The following ANKS1B variants were observed in gnomAD, a reference collection of about 807,000 sequenced individuals.
ANKS1B encodes the protein ankyrin repeat and sterile alpha motif domain-containing protein 1B.
ANKS1B carries 36 observed loss-of-function variants against 148.3 expected under a neutral mutation model. The ratio of observed to expected loss-of-function variants is 0.24; its 90% CI spans 0.19 to 0.32. The LOEUF is 0.32. Ranked by LOEUF, ANKS1B falls within the 10% of genes least tolerant of loss-of-function variation. The pLI is 1.00. For synonymous variants in ANKS1B, 542 were observed against 560.8 expected (o/e 0.97, Z 0.47); for missense variants, 1,157 against 1,542.6 (o/e 0.75, Z 4.19).
In ANKS1B at chr12:99,802,362, C is replaced by G. The variant is rs547148416; in HGVS notation, c.669+4042G>C. On this transcript the variant is annotated intron_variant, in intron 4 of 26. Transcript: ENST00000683438. The stretch of plus-strand genomic sequence containing the variant: ...CTATCTGGTTACCCAAAATCAAGTT[C>G]AAAATTCATAAAAATAATTGCTAAC... Among the ~76,000 whole-genome samples, 3 of 152,114 alleles carry G rather than the reference C, an allele frequency of 2.0e-5. No individual in the cohort carries two copies. The South Asian group carries it at 6.2e-4, about 32-fold the overall frequency.
rs3081654 is a variant in ANKS1B, at chr12:99,632,727, CTATATATATATATATATA to C, written c.1272+22322_1272+22339del. 7.1e-3 allele frequency among the ~76,000 whole-genome samples: 276 copies of C among 39,046 alleles called. 15 individuals are homozygous for C. The South Asian group carries it at 0.14, about 19-fold the overall frequency. The allele number at this position is 39,046 out of a possible 152,430, so 25.6% of individuals were successfully genotyped here. On this transcript the variant is annotated intron_variant, in intron 9 of 26. Coordinates refer to ENST00000683438, the MANE Select transcript of ANKS1B (RefSeq NM_001352186.2). The stretch of plus-strand genomic sequence containing the variant: ...TTTGGCCTGTGTCTTCCTTTTCTTT[CTATATATATATATATATA>C]TATATATATATATATATATATATTT...
At chr12:99,424,223 T>G (rs1415748946) in intron 11 of ANKS1B, among the ~76,000 whole-genome samples, 1 of 152,192 alleles carries the variant, frequency 6.6e-6, no homozygotes, top group Non-Finnish European at 1.5e-5. Context: ...ATGTACTTTA[T>G]CAATATAAAA....
At chr12:99,280,866 GTCTGTCTC>G (rs1234018374) in intron 12 of ANKS1B, among the ~76,000 whole-genome samples, 1 of 139,662 alleles carries the variant, frequency 7.2e-6, no homozygotes, top group Non-Finnish European at 1.5e-5. Context: ...CTCTCTCTCT[GTCTGTCTC>G]TCTCTCTCTC....
At chr12:99,143,848 A>C (rs1011598980) in intron 15 of ANKS1B, among the ~76,000 whole-genome samples, 16 of 152,058 alleles carry the variant, frequency 1.1e-4, no homozygotes, top group Admixed American at 9.2e-4. Flanking sequence ...AGGAATGCTC[A>C]CGCTACTTTT....
intron 8 of ANKS1B, among the ~76,000 whole-genome samples, chr12:99,748,878 T>C (rs2060845578): frequency 6.6e-6 from 1 of 152,166 alleles, no homozygotes; most frequent in African/African-American, 2.4e-5. Context: ...TAACCTAATG[T>C]TTCCTAGTTA....
intron 17 of ANKS1B, among the ~76,000 whole-genome samples, chr12:99,013,012 G>A (rs1286617843): frequency 6.6e-6 from 1 of 152,184 alleles, no homozygotes; most frequent in Non-Finnish European, 1.5e-5. Flanking sequence ...TACTTGTGGA[G>A]TGCATGAGTG....
intron 8 of ANKS1B, among the ~76,000 whole-genome samples, chr12:99,662,424 G>A (rs928070171): frequency 1.3e-5 from 2 of 152,160 alleles, no homozygotes; most frequent in Non-Finnish European, 2.9e-5. Flanking sequence ...TGTTGGGTTA[G>A]CTACCAAAGC....
chr12:99,033,530 G>A (rs2099953600), intron 17 of ANKS1B, among the ~76,000 whole-genome samples: 1 of 152,130 alleles, frequency 6.6e-6, no homozygotes, highest in South Asian at 2.1e-4. Context: ...CAGGCATGGT[G>A]AAGCATGCCT....
chr12:98,979,803 T>C (rs779400211), intron 17 of ANKS1B, among the ~76,000 whole-genome samples: 16 of 152,164 alleles, frequency 1.1e-4, no homozygotes, highest in Non-Finnish European at 1.6e-4. Context: ...GGGTTTGTAG[T>C]CACACCAAAT....
chr12:99,681,339 G>T lies in ANKS1B; in HGVS notation c.1129-26129C>A, dbSNP rs555539290. Among the ~76,000 whole-genome samples, 39 of 152,322 alleles carry T rather than the reference G, an allele frequency of 2.6e-4. No homozygotes were observed. The South Asian group carries it at 7.9e-3, about 31-fold the overall frequency. The stretch of plus-strand genomic sequence containing the variant: ...CATCCTAGCTAACCAGAGGTCCTGA[G>T]TCTGTCCATGTGACAACTTCACTGC... On this transcript the variant is annotated intron_variant, in intron 8 of 26. Transcript: ENST00000683438.
At chr12:98,805,591 A>T (rs2099044995) in intron 20 of ANKS1B, among the ~76,000 whole-genome samples, 1 of 152,232 alleles carries the variant, frequency 6.6e-6, no homozygotes, top group South Asian at 2.1e-4. Flanking sequence ...AAAATACAAA[A>T]GCATCAATGG....
chr12:99,070,165 C>T (rs1374973745), intron 16 of ANKS1B, among the ~76,000 whole-genome samples: 1 of 152,092 alleles, frequency 6.6e-6, no homozygotes, highest in Middle Eastern at 3.2e-3. Context: ...TGAGGAACAT[C>T]TTGGGGAACG....
chr12:99,248,980 T>C (rs1463137226), intron 12 of ANKS1B, among the ~76,000 whole-genome samples: 3 of 152,202 alleles, frequency 2.0e-5, no homozygotes, highest in Non-Finnish European at 4.4e-5. Context: ...GTTTTCTTCT[T>C]GGAGATAAGC....
At chr12:99,506,663 G>T (rs1263576239) in intron 9 of ANKS1B, among the ~76,000 whole-genome samples, 1 of 151,946 alleles carries the variant, frequency 6.6e-6, no homozygotes. Flanking sequence ...AGTTGATGTG[G>T]TAGATTTATT....
chr12:98,768,473 G>A (rs1430468517), intron 25 of ANKS1B, among the ~76,000 whole-genome samples: 1 of 140,692 alleles, frequency 7.1e-6, no homozygotes, highest in African/African-American at 2.6e-5. Flanking sequence ...GGTGGCTCAT[G>A]CCTGTAATCC....
At chr12:98,851,821 C>T (rs998196654) in intron 17 of ANKS1B, among the ~76,000 whole-genome samples, 7 of 151,742 alleles carry the variant, frequency 4.6e-5, no homozygotes, top group Non-Finnish European at 8.8e-5. Context: ...GTCAAGAGAT[C>T]GAGAGCATCC....
intron 22 of ANKS1B, among the ~76,000 whole-genome samples, chr12:98,785,336 G>T (rs1344067475): frequency 6.6e-6 from 1 of 152,148 alleles, no homozygotes; most frequent in Non-Finnish European, 1.5e-5. Context: ...CAGGCATGGT[G>T]GTGGGTGGCT....
At chr12:99,898,696 G>T (rs558965719) in intron 1 of ANKS1B, among the ~76,000 whole-genome samples, 44 of 152,258 alleles carry the variant, frequency 2.9e-4, no homozygotes, top group African/African-American at 1.0e-3. Flanking sequence ...AGATTGGAGG[G>T]GGGAGGTTGC....
chr12:99,447,198 C>T (rs1225042275), intron 10 of ANKS1B, among the ~76,000 whole-genome samples: 1 of 151,924 alleles, frequency 6.6e-6, no homozygotes, highest in African/African-American at 2.4e-5. Context: ...TTCAAAGGTG[C>T]CAACAACACA....
Sources: allele counts gnomAD v4.1 joint callset (sites outside exome capture counted in the v4.1 genomes callset), GRCh38; gene constraint gnomAD v4.1.1; transcripts MANE v1.5; gene names NCBI Gene and HGNC (gene_info 2026-07-23, HGNC 2026-07-21).